Variants in PYHIN1 observed in about 807,000 individuals in gnomAD.
PYHIN1 encodes the protein pyrin and HIN domain-containing protein 1.
In PYHIN1, 32 loss-of-function variants were observed where a neutral mutation model predicts 43.7. The observed-to-expected ratio is 0.73, with a 90% confidence interval of 0.55 to 0.98. The LOEUF is 0.98. Ranked by LOEUF, PYHIN1 falls within the 50% of genes least tolerant of loss-of-function variation. The pLI is 0.00. For synonymous variants in PYHIN1, 205 were observed against 203.1 expected, an observed-to-expected ratio of 1.01 and a Z score of -0.08; for missense variants, 588 against 589.5, an observed-to-expected ratio of 1.00 and a Z score of 0.03.
At chr1:158,965,540 C>G (rs1425075033) in intron 7 of PYHIN1, among the ~76,000 whole-genome samples, 1 of 152,062 alleles carries the variant, frequency 6.6e-6, no homozygotes, top group Admixed American at 6.6e-5. Flanking sequence ...ATCATACCAA[C>G]CACCTTCTCA....
At chr1:158,979,415 G>T (rs1301909143), downstream of PYHIN1, among the ~76,000 whole-genome samples, 1 of 152,118 alleles carries the variant, frequency 6.6e-6, no homozygotes, top group Non-Finnish European at 1.5e-5. Flanking sequence ...TCTCTTATGA[G>T]TGGCTTATTA....
chr1:158,990,036 A>G, the PYHIN1 span, among the ~76,000 whole-genome samples: 1 of 149,616 alleles, frequency 6.7e-6, no homozygotes, highest in Non-Finnish European at 1.5e-5. Context: ...GAATGAGTGT[A>G]TGGCATGCTG....
chr1:158,945,540 T>C (rs1649174323), intron 7 of PYHIN1: 1 of 152,500 alleles, frequency 6.6e-6, no homozygotes, highest in African/African-American at 2.4e-5. Flanking sequence ...ACTTAAGTAT[T>C]TTCCTCTGGC....
intron 7 of PYHIN1, among the ~76,000 whole-genome samples, chr1:158,962,827 C>T (rs2101711074): frequency 6.6e-6 from 1 of 152,198 alleles, no homozygotes; most frequent in East Asian, 1.9e-4. Context: ...AGCATACGGT[C>T]TGCTAGTAAC....
chr1:158,980,315 A>C (rs192458049), downstream of PYHIN1, among the ~76,000 whole-genome samples: 529 of 152,248 alleles, frequency 3.5e-3, 3 homozygotes, highest in Non-Finnish European at 5.6e-3. Context: ...AAAAATATGA[A>C]ATCAGTGCAT....
intron 7 of PYHIN1, among the ~76,000 whole-genome samples, chr1:158,955,498 G>T (rs1255529639): frequency 6.6e-6 from 1 of 152,068 alleles, no homozygotes; most frequent in African/African-American, 2.4e-5. Context: ...GCTCCTGAAT[G>T]ACTACTGGAT....
chr1:158,947,890 G>T (rs1418372422), intron 7 of PYHIN1, among the ~76,000 whole-genome samples: 1 of 152,194 alleles, frequency 6.6e-6, no homozygotes, highest in South Asian at 2.1e-4. Context: ...TACCTCCTTT[G>T]TACCCACTTT....
intron 7 of PYHIN1, among the ~76,000 whole-genome samples, chr1:158,955,200 G>A (rs1233018594): frequency 1.3e-5 from 2 of 152,250 alleles, no homozygotes; most frequent in Admixed American, 6.5e-5. Flanking sequence ...CAATGAGACA[G>A]AAAGTCAACA....
At chr1:158,946,336 A>C (rs1571737383) in intron 7 of PYHIN1, among the ~76,000 whole-genome samples, 1 of 152,342 alleles carries the variant, frequency 6.6e-6, no homozygotes, top group East Asian at 1.9e-4. Context: ...ATCAGTGAAA[A>C]TAGAGAAAAT....
intron 7 of PYHIN1, among the ~76,000 whole-genome samples, chr1:158,956,325 CTTGAT>C (rs1649929826): frequency 6.6e-6 from 1 of 152,150 alleles, no homozygotes; most frequent in African/African-American, 2.4e-5. Context: ...GACCAATATC[CTTGAT>C]GAACATTGAT....
At chr1:158,969,685 G>A (rs1315943708) in intron 7 of PYHIN1, among the ~76,000 whole-genome samples, 2 of 151,866 alleles carry the variant, frequency 1.3e-5, no homozygotes, top group African/African-American at 4.8e-5. Flanking sequence ...GTCATTATCA[G>A]CTCTGATCCA....
rs1398996767 is a variant in PYHIN1 at position 158,973,762 on chromosome 1, C to T, written c.1475C>T (p.Pro492Leu). ...TCCACCAACCGCCATCCAGCAGTTCCTTAAATAAGGTACCACCTTTCTATT... is the reference window on the plus strand; with the variant it reads ...TCCACCAACCGCCATCCAGCAGTTCTTTAAATAAGGTACCACCTTTCTATT... ...DTSTNRHPAV[P>L] Residue 492 changes from proline (P) to leucine (L), a missense_variant, in exon 8 of 9, where the codon CCT becomes CTT. Coordinates refer to ENST00000368140, the MANE Select transcript of PYHIN1 (RefSeq NM_152501.5). 6.2e-7 allele frequency: 1 copy of T among 1,612,782 alleles called. No individual in the cohort carries two copies. Among genetic ancestry groups the T allele is most frequent in the Non-Finnish European group, 8.5e-7 (1 of 1,179,294 alleles).
chr1:158,939,224 C>A lies in PYHIN1; in HGVS notation c.556C>A (p.Pro186Thr). The A allele has an allele frequency of 6.2e-7, 1 of 1,603,642 alleles. No homozygotes were observed. Among genetic ancestry groups the A allele is most frequent in the Non-Finnish European group, 8.5e-7 (1 of 1,176,506 alleles). ...SPPPQTSSSA[P>T]PNTSSTESLK... is the part of the protein sequence containing the mutation. ...ACCTCCCCAGACCTCATCATCAGCT[C>A]CACCCAACACTTCCTCAACTGAGGT... is the stretch of plus-strand genomic sequence containing the variant. The change falls in exon 4 of 9, where the codon CCA (proline) becomes ACA (threonine). Residue 186 changes from proline (P) to threonine (T), a missense_variant. Pro to Thr is a conservative substitution (Grantham distance 38, BLOSUM62 -1). Transcript: ENST00000368140.
At chr1:158,968,057 C>A (rs80178718) in intron 7 of PYHIN1, among the ~76,000 whole-genome samples, 2 of 151,738 alleles carry the variant, frequency 1.3e-5, no homozygotes, top group African/African-American at 2.4e-5. Context: ...TTTGAAGATG[C>A]CATAAACAAT....
At position 158,933,729 on chromosome 1, in the gene PYHIN1, T is replaced by C. The variant is rs1648315992; in HGVS notation, c.-21+1953T>C. Among the ~76,000 whole-genome samples the C allele has an allele frequency of 6.6e-6, 1 of 152,118 alleles. No individual in the cohort carries two copies. The highest frequency in any genetic ancestry group is 2.1e-4 in the South Asian group (1 of 4,832). ...AAACTTATATTTCCATCTCACCCTTTAAGACAATTACATTAGTAAACTCAT... is the reference window on the plus strand; with the variant it reads ...AAACTTATATTTCCATCTCACCCTTCAAGACAATTACATTAGTAAACTCAT... On this transcript the variant is annotated intron_variant, in intron 1 of 8. Transcript: ENST00000368140. This position sits in a 1 kb window ranked among gnomAD's most constrained non-coding sequence, Gnocchi z 6.3.
chr1:158,990,813 C>T, the PYHIN1 span, among the ~76,000 whole-genome samples: 2 of 152,088 alleles, frequency 1.3e-5, no homozygotes, highest in African/African-American at 2.4e-5. Flanking sequence ...AAATTGTAAT[C>T]CCTGTAACCC....
intron 7 of PYHIN1, 132 bp from the exon 8 acceptor site, chr1:158,973,505 TCACACACACA>T (rs144676333): frequency 1.3e-4 from 64 of 483,478 alleles, no homozygotes; most frequent in Non-Finnish European, 9.4e-5. Flanking sequence ...AAAGGGATTT[TCACACACACA>T]CACACACACA....
intron 7 of PYHIN1, among the ~76,000 whole-genome samples, chr1:158,956,109 C>A (rs1186199918): frequency 7.1e-6 from 1 of 140,998 alleles, no homozygotes; most frequent in South Asian, 2.2e-4. Flanking sequence ...TGGCAATAAT[C>A]AATAGTTCAC....
chr1:158,948,935 G>A (rs750847390), intron 7 of PYHIN1, among the ~76,000 whole-genome samples: 41 of 152,246 alleles, frequency 2.7e-4, no homozygotes, highest in Non-Finnish European at 2.8e-4. Flanking sequence ...TCACAAAGGC[G>A]GAGTTTTGGG....
Sources: gnomAD v4.1 joint callset for allele counts (sites outside exome capture counted in the v4.1 genomes callset) on GRCh38, gnomAD v4.1.1 for gene constraint, Gnocchi (gnomAD v3.1) non-coding constraint, MANE v1.5 for transcripts, NCBI Gene and HGNC (gene_info 2026-07-23, HGNC 2026-07-21) for gene names.